HAL: variants seen among roughly 807,000 people sequenced by gnomAD.
The protein encoded by HAL is histidase.
Under a neutral mutation model 81.1 loss-of-function variants are expected in HAL, and 85 were observed. The ratio of observed to expected loss-of-function variants is 1.05; its 90% CI spans 0.88 to 1.25. The LOEUF (loss-of-function observed/expected upper bound fraction) is 1.25. Ranked by LOEUF, HAL falls within the 50% of genes most tolerant of loss-of-function variation. The pLI is 0.00. For missense variants in HAL, 798 were observed against 836.6 expected, an observed-to-expected ratio of 0.95 and a Z score of 0.57; for synonymous variants, 301 against 309.2, an observed-to-expected ratio of 0.97 and a Z score of 0.28.
At chr12:95,993,660 G>C (rs1391084494) in intron 7 of HAL, 112 bp downstream of exon 7, 2 of 850,442 alleles carry the variant, frequency 2.4e-6, no homozygotes, top group Non-Finnish European at 2.0e-6. Flanking sequence ...GGTAACCCAA[G>C]CCTCATCCTC....
chr12:95,987,263 C>T lies in HAL; in HGVS notation c.904-49G>A, dbSNP rs376731897. 12 of 1,492,264 alleles carry T rather than the reference C, an allele frequency of 8.0e-6. No individual in the cohort carries two copies. In the African/African-American group the frequency reaches 1.5e-4, roughly 19 times the overall value. The allele number at this position is 1,492,264 out of a possible 1,614,324, so 92.4% of individuals were successfully genotyped here. A position where few individuals can be genotyped will look rare whatever the true frequency, so the allele number is the denominator to read the frequency against. On this transcript the variant is annotated intron_variant, in intron 11 of 20. Transcript: ENST00000261208. ...TCCTACTGTGATTATTGTAACGAAC[C>T]TACATACCCGTGGATTTTGTATCTT... is the stretch of plus-strand genomic sequence containing the variant.
chr12:95,976,343 A>C, intron 20 of HAL, 86 bp downstream of exon 20: 1 of 1,068,654 alleles, frequency 9.4e-7, no homozygotes, highest in Non-Finnish European at 1.5e-6. Flanking sequence ...CCAGAAAACA[A>C]TAGAATAAGG....
rs1950035673 is a variant in HAL, at chr12:95,996,290, CTG to C, written c.-296_-295del. Reference sequence around the variant, plus strand: ...TTTCTCTCTCTTCCCTCGTTTCTGTCTGTGTTCTCTGCCATTAAGGGCAGCTT... The same window carrying C: ...TTTCTCTCTCTTCCCTCGTTTCTGTCTGTTCTCTGCCATTAAGGGCAGCTT... On this transcript the variant is annotated 5_prime_UTR_variant, in exon 1 of 21. An upstream open reading frame in the 5' UTR loses its in-frame stop. Coordinates refer to ENST00000261208, the MANE Select transcript of HAL (RefSeq NM_002108.4). 2 of 300,142 alleles carry C rather than the reference CTG, an allele frequency of 6.7e-6. No homozygotes were observed. Among genetic ancestry groups the C allele is most frequent in the Non-Finnish European group, 1.3e-5 (2 of 152,668 alleles). 18.6% of individuals were successfully genotyped at this position (300,142 alleles called of 1,614,324 possible).
intron 9 of HAL, among the ~76,000 whole-genome samples, chr12:95,992,274 A>G (rs1446430047): frequency 6.6e-6 from 1 of 152,166 alleles, no homozygotes; most frequent in Non-Finnish European, 1.5e-5. Flanking sequence ...GGACATTACG[A>G]TTTCAGATTC....
At chr12:95,975,796 A>G (rs908630819) in intron 20 of HAL, among the ~76,000 whole-genome samples, 1 of 152,188 alleles carries the variant, frequency 6.6e-6, no homozygotes, top group Non-Finnish European at 1.5e-5. Context: ...CAACTGTTTT[A>G]AGGAAATCAA....
intron 14 of HAL, among the ~76,000 whole-genome samples, chr12:95,984,697 A>T (rs1469069042): frequency 1.3e-5 from 2 of 152,226 alleles, no homozygotes; most frequent in African/African-American, 4.8e-5. Flanking sequence ...AGTTGGGAAG[A>T]TTAAATGAAT....
chr12:95,978,181 C>T, intron 17 of HAL, 103 bp from the exon 18 acceptor site: 2 of 872,702 alleles, frequency 2.3e-6, no homozygotes, highest in Non-Finnish European at 3.8e-6. Context: ...ATACACTCTC[C>T]AGAAGATCTT....
intron 12 of HAL, 117 bp downstream of exon 12, chr12:95,986,950 G>A: frequency 1.2e-6 from 1 of 862,486 alleles, no homozygotes; most frequent in Non-Finnish European, 2.0e-6. Flanking sequence ...ACAGGCACTT[G>A]GGTTTTCTCC....
At position 95,976,274 on chromosome 12, in the gene HAL, T is replaced by A. The variant is rs1235067365; in HGVS notation, c.1833+155A>T. On this transcript the variant is annotated intron_variant, in intron 20 of 20. Transcript: ENST00000261208. Reference sequence around the variant, plus strand: ...GTGCACTTAGTGTTTATTATATGGCTTCTTAGTGGTGCTGCAAGTTGTTGC... The same window carrying A: ...GTGCACTTAGTGTTTATTATATGGCATCTTAGTGGTGCTGCAAGTTGTTGC... The A allele has an allele frequency of 1.2e-5, 9 of 730,104 alleles. 1 individual carries two copies. The highest frequency in any genetic ancestry group is 2.3e-5 in the Non-Finnish European group (9 of 395,574). 45.2% of individuals were successfully genotyped at this position (730,104 alleles called of 1,614,324 possible).
chr12:95,992,668 C>G lies in HAL; in HGVS notation c.715+12G>C. 6.2e-7 allele frequency: 1 copy of G among 1,608,604 alleles called. No individual in the cohort carries two copies. Among genetic ancestry groups the G allele is most frequent in the Non-Finnish European group, 8.5e-7 (1 of 1,175,538 alleles). On this transcript the variant is annotated intron_variant, in intron 9 of 20. Coordinates refer to ENST00000261208, the MANE Select transcript of HAL (RefSeq NM_002108.4). Reference sequence around the variant, plus strand: ...CTCCACAGAGGTTCCGTCTAGGGAGCCATTGCATTACCATTAAACATTTCT... The same window carrying G: ...CTCCACAGAGGTTCCGTCTAGGGAGGCATTGCATTACCATTAAACATTTCT...
At chr12:95,976,012 C>T in intron 20 of HAL, 1 of 338,536 alleles carries the variant, frequency 3.0e-6, no homozygotes, top group South Asian at 2.4e-5. Flanking sequence ...GAAGTAAACA[C>T]CCGGGCCTTG....
At chr12:95,992,833 A>G (rs770327863) in intron 8 of HAL, 28 bp from the exon 9 acceptor site, 1 of 1,608,564 alleles carries the variant, frequency 6.2e-7, no homozygotes, top group Admixed American at 1.7e-5. Context: ...TGTTTTCTCC[A>G]AGAAAAGCAA....
Position 95,980,815 on chromosome 12 carries a change from C to T in HAL, c.1336G>A (p.Gly446Ser), listed in dbSNP as rs369283371. 3.6e-5 allele frequency: 57 copies of T among 1,594,494 alleles called. No individual in the cohort carries two copies. The highest frequency in any genetic ancestry group is 4.8e-5 in the Non-Finnish European group (56 of 1,162,518). ...AAGCTTACTTTGGCTGGGTATTCACCATGGAAGTTTCCTCCAGAAACTGTC... is the reference window on the plus strand; with the variant it reads ...AAGCTTACTTTGGCTGGGTATTCACTATGGAAGTTTCCTCCAGAAACTGTC... ...GETVSGGNFH[G>S]EYPAKALDYL... is the part of the protein sequence containing the mutation. Residue 446 changes from glycine to serine, a missense_variant, in exon 16 of 21, where the codon GGT becomes AGT. Coordinates refer to ENST00000261208, the MANE Select transcript of HAL (RefSeq NM_002108.4).
At chr12:95,978,226 C>A in intron 17 of HAL, 148 bp from the exon 18 acceptor site, 1 of 704,002 alleles carries the variant, frequency 1.4e-6, no homozygotes, top group Non-Finnish European at 2.5e-6. Flanking sequence ...TAGAAAGCTG[C>A]TTTGGGAAAA....
At position 95,990,687 on chromosome 12, in the gene HAL, C is replaced by T. The variant is rs184191669; in HGVS notation, c.716-155G>A. Among the ~76,000 whole-genome samples the T allele has an allele frequency of 2.0e-5, 3 of 152,196 alleles. No homozygotes were observed. The East Asian group carries it at 5.8e-4, about 29-fold the overall frequency. ...CCTGGGGAAAGACAATTCTTCAAAC[C>T]CAGCTAATATGTAAGGGACCTGGAT... On this transcript the variant is annotated intron_variant, in intron 9 of 20. Coordinates refer to ENST00000261208, the MANE Select transcript of HAL (RefSeq NM_002108.4).
intron 18 of HAL, 121 bp from the exon 19 acceptor site, chr12:95,976,827 A>T: frequency 1.4e-6 from 1 of 725,960 alleles, no homozygotes; most frequent in Non-Finnish European, 2.5e-6. Context: ...TTCTCTGTCT[A>T]TTGGTAGAAT....
rs1949999765 is a variant in HAL at position 95,993,765 on chromosome 12, A to T, written c.551+7T>A. ...GGAACGTGAACATATGTGTGTTTTA[A>T]ACTTACTGTAGCTTATTGATAGGAA... is the stretch of plus-strand genomic sequence containing the variant. On this transcript the variant is annotated splice_region_variant and intron_variant, in intron 7 of 20. Transcript: ENST00000261208. 6.8e-7 allele frequency: 1 copy of T among 1,478,702 alleles called. No homozygotes were observed. The highest frequency in any genetic ancestry group is 2.3e-5 in the East Asian group (1 of 44,258). 91.6% of individuals were successfully genotyped at this position (1,478,702 alleles called of 1,614,324 possible). A position where few individuals can be genotyped will look rare whatever the true frequency, so the allele number is the denominator to read the frequency against.
At chr12:95,977,835 T>G in intron 18 of HAL, 109 bp downstream of exon 18, 1 of 1,206,190 alleles carries the variant, frequency 8.3e-7, no homozygotes. Flanking sequence ...TCTGCCTTCC[T>G]AACAAGTTTC....
chr12:95,983,909 A>G lies in HAL; in HGVS notation c.1287+2T>C, dbSNP rs141634423. 358 of 1,467,544 alleles carry G rather than the reference A, an allele frequency of 2.4e-4. No individual in the cohort carries two copies. Among genetic ancestry groups the G allele is most frequent in the Non-Finnish European group, 3.2e-4 (336 of 1,047,782 alleles). 90.9% of individuals were successfully genotyped at this position (1,467,544 alleles called of 1,614,324 possible). Reference sequence around the variant, plus strand: ...GCAGGTTAGTATACAATCAAAAGATACAGGATTATCTGTTGCGCTGTTCAG... The same window carrying G: ...GCAGGTTAGTATACAATCAAAAGATGCAGGATTATCTGTTGCGCTGTTCAG... On this transcript the variant is annotated splice_donor_variant, in intron 15 of 20. Transcript: ENST00000261208. LOFTEE classifies it high-confidence loss of function.
Sources: allele counts gnomAD v4.1 joint callset (sites outside exome capture counted in the v4.1 genomes callset), GRCh38; gene constraint gnomAD v4.1.1; transcripts MANE v1.5; gene names NCBI Gene and HGNC (gene_info 2026-07-23, HGNC 2026-07-21).